Variants in IL12B observed in about 807,000 individuals in gnomAD.
The protein encoded by IL12B is interleukin 12B, also known as interleukin-12 subunit beta.
In IL12B, 27 loss-of-function variants were observed where a neutral mutation model predicts 39.2. That is an observed-to-expected ratio of 0.69 (90% CI 0.51 to 0.95). The LOEUF is 0.95. Ranked by LOEUF, IL12B falls within the 40% of genes least tolerant of loss-of-function variation. The pLI is 0.00. For synonymous variants in IL12B, 142 were observed against 152.1 expected (o/e 0.93, Z 0.49); for missense variants, 351 against 397.6 (o/e 0.88, Z 1.00).
At chr5:159,326,639 C>T in intron 2 of IL12B, 56 bp downstream of exon 2, 1 of 1,276,046 alleles carries the variant, frequency 7.8e-7, no homozygotes, top group Non-Finnish European at 1.1e-6. Context: ...AGTGGCTGCC[C>T]AAGAGTCCTG....
chr5:159,316,609 AC>A lies in IL12B; in HGVS notation c.*75del, dbSNP rs1343876702. ...ACTCCATCCCCCTTTCCTCTCCAAC[AC>A]AGCCCCCAATCATATCCCTGCATCC... On this transcript the variant is annotated intron_variant, in intron 7 of 7. Coordinates refer to ENST00000231228, the MANE Select transcript of IL12B (RefSeq NM_002187.3). The A allele has an allele frequency of 4.6e-5, 70 of 1,510,168 alleles. No individual in the cohort carries two copies. In the African/African-American group the frequency reaches 5.2e-4, roughly 11 times the overall value. The allele number at this position is 1,510,168 out of a possible 1,614,324, so 93.5% of individuals were successfully genotyped here.
intron 2 of IL12B, chr5:159,325,572 G>A (rs544694886): frequency 6.6e-6 from 1 of 152,092 alleles, no homozygotes; most frequent in Non-Finnish European, 1.5e-5. Flanking sequence ...TCATGTCCTT[G>A]TAAAAACGTT....
At chr5:159,318,009 C>T (rs983970251) in intron 6 of IL12B, 1 of 152,552 alleles carries the variant, frequency 6.6e-6, no homozygotes, top group African/African-American at 2.4e-5. Flanking sequence ...TCTTCAATCA[C>T]TTGTGAAATG....
At chr5:159,320,601 G>C in intron 4 of IL12B, 81 bp from the exon 5 acceptor site, 1 of 1,158,930 alleles carries the variant, frequency 8.6e-7, no homozygotes, top group South Asian at 1.3e-5. Flanking sequence ...AGGCAGGTAA[G>C]GCCTCAACTG....
intron 6 of IL12B, 54 bp from the exon 7 acceptor site, chr5:159,316,870 A>C: frequency 6.2e-7 from 1 of 1,601,862 alleles, no homozygotes; most frequent in South Asian, 1.1e-5. Context: ...GTCACAGGGT[A>C]AGCTGAGCCT....
chr5:159,317,877 C>T (rs1193357092), intron 6 of IL12B, among the ~76,000 whole-genome samples: 2 of 152,294 alleles, frequency 1.3e-5, no homozygotes, highest in Admixed American at 1.3e-4. Context: ...GATCAATGAC[C>T]AACATCAGAG....
intron 1 of IL12B, among the ~76,000 whole-genome samples, chr5:159,329,039 T>C (rs1443705028): frequency 6.6e-6 from 1 of 152,188 alleles, no homozygotes; most frequent in Non-Finnish European, 1.5e-5. Context: ...TTTCATAGGT[T>C]TTCTAAACTC....
intron 6 of IL12B, 71 bp from the exon 7 acceptor site, chr5:159,316,887 G>T: frequency 6.5e-7 from 1 of 1,547,096 alleles, no homozygotes; most frequent in Non-Finnish European, 8.9e-7. Context: ...GCCTGTTTCT[G>T]CAATGCATAC....
chr5:159,318,682 G>A (rs988079909), intron 6 of IL12B, 54 bp downstream of exon 6: 4 of 1,483,678 alleles, frequency 2.7e-6, no homozygotes, highest in Admixed American at 1.7e-5. Context: ...TCACTTTATG[G>A]TGGGCCTCCG....
chr5:159,328,420 G>A (rs767662908), intron 1 of IL12B, among the ~76,000 whole-genome samples: 9 of 152,194 alleles, frequency 5.9e-5, no homozygotes, highest in Admixed American at 1.3e-4. Context: ...TACTCGCTGA[G>A]CCTCAGTCTC....
chr5:159,325,881 C>T (rs765444025), intron 2 of IL12B, among the ~76,000 whole-genome samples: 16 of 152,154 alleles, frequency 1.1e-4, no homozygotes, highest in East Asian at 1.9e-4. Flanking sequence ...GTACAGCCAA[C>T]GGTCAGAATG....
intron 5 of IL12B, 52 bp from the exon 6 acceptor site, chr5:159,318,945 A>G (rs1252350375): frequency 1.3e-6 from 2 of 1,533,856 alleles, no homozygotes; most frequent in Non-Finnish European, 9.0e-7. Context: ...TTTGGAGTTC[A>G]GTGGTTTTGG....
intron 1 of IL12B, among the ~76,000 whole-genome samples, chr5:159,328,761 A>G (rs1213505734): frequency 1.3e-5 from 2 of 152,178 alleles, no homozygotes; most frequent in African/African-American, 4.8e-5. Flanking sequence ...CTTCCTCTGC[A>G]TGCCTCAGAT....
At chr5:159,316,914 C>T in intron 6 of IL12B, 98 bp from the exon 7 acceptor site, 1 of 1,410,192 alleles carries the variant, frequency 7.1e-7, no homozygotes. Context: ...AAAACAAGCC[C>T]ATCTTGGTCT....
chr5:159,316,612 G>T, intron 7 of IL12B, 73 bp downstream of exon 7: 2 of 1,518,470 alleles, frequency 1.3e-6, no homozygotes, highest in Non-Finnish European at 9.0e-7. Flanking sequence ...CTCCAACACA[G>T]CCCCCAATCA....
chr5:159,325,287 GA>G (rs1754166583), intron 2 of IL12B, among the ~76,000 whole-genome samples: 2 of 152,182 alleles, frequency 1.3e-5, no homozygotes. Flanking sequence ...GGTTGGAAGG[GA>G]TCTGCCATAT....
chr5:159,316,550 G>T (rs1753992787), intron 7 of IL12B, 135 bp downstream of exon 7: 1 of 863,894 alleles, frequency 1.2e-6, no homozygotes, highest in Admixed American at 2.1e-5. Context: ...GTGAATAAAT[G>T]TATGTTTCTG....
At chr5:159,328,344 C>G (rs1034381945) in intron 1 of IL12B, among the ~76,000 whole-genome samples, 4 of 147,940 alleles carry the variant, frequency 2.7e-5, no homozygotes, top group African/African-American at 7.5e-5. Context: ...TAAACAGACA[C>G]AGGCTTGAAT....
At chr5:159,328,935 A>G (rs1754234268) in intron 1 of IL12B, among the ~76,000 whole-genome samples, 1 of 152,214 alleles carries the variant, frequency 6.6e-6, no homozygotes. Context: ...CTGGCCCATC[A>G]GCTGATACTA....
Sources: gnomAD v4.1 joint callset for allele counts (sites outside exome capture counted in the v4.1 genomes callset) on GRCh38, gnomAD v4.1.1 for gene constraint, MANE v1.5 for transcripts, NCBI Gene and HGNC (gene_info 2026-07-23, HGNC 2026-07-21) for gene names.